RUFY3: variants seen among roughly 807,000 people sequenced by gnomAD.
RUFY3 encodes the protein protein RUFY3.
In RUFY3, 34 loss-of-function variants were observed where a neutral mutation model predicts 84.0. The observed-to-expected ratio is 0.40, with a 90% confidence interval of 0.31 to 0.54. The LOEUF (loss-of-function observed/expected upper bound fraction) is 0.54. Among genes scored for constraint, RUFY3 ranks in the 20% least tolerant of loss-of-function variants. The probability of loss-of-function intolerance (pLI) is 0.39; values close to 1 mark genes in which losing one functional copy is unlikely to be tolerated. For missense variants in RUFY3, 507 were observed against 736.8 expected, an observed-to-expected ratio of 0.69 and a Z score of 3.61; for synonymous variants, 242 against 252.9, an observed-to-expected ratio of 0.96 and a Z score of 0.41.
chr4:70,806,550 A>G lies in RUFY3; in HGVS notation c.1754A>G (p.Asp585Gly). ...VCKNCSGTFC[D>G]ACSTNELPLP... ...AAGAACTGCAGCGGAACCTTCTGTG[A>G]TGCCTGTTCAACAAATGAACTGCCT... The change falls in exon 18 of 18, where the codon GAT becomes GGT. Residue 585 changes from aspartate (D) to glycine (G), a missense_variant. Around this residue, in one of 4 missense-constraint regions of RUFY3, gnomAD observed 334 missense variants for 364.1 expected, o/e 0.92. Transcript: ENST00000381006. 6.2e-7 allele frequency: 1 copy of G among 1,614,160 alleles called. No homozygotes were observed. The highest frequency in any genetic ancestry group is 8.5e-7 in the Non-Finnish European group (1 of 1,180,010).
chr4:70,726,605 T>C (rs1214232297), intron 1 of RUFY3, among the ~76,000 whole-genome samples: 1 of 152,220 alleles, frequency 6.6e-6, no homozygotes, highest in East Asian at 1.9e-4. Flanking sequence ...ACTCCCGACC[T>C]CAGGTGATCG....
chr4:70,762,212 G>A (rs1049722185), intron 1 of RUFY3, among the ~76,000 whole-genome samples: 1 of 152,194 alleles, frequency 6.6e-6, no homozygotes, highest in African/African-American at 2.4e-5. Context: ...CTACTTGGGA[G>A]GCAGAGACAG....
At position 70,764,834 on chromosome 4, in the gene RUFY3, T is replaced by G. The variant is rs556323348; in HGVS notation, c.572+258T>G. On this transcript the variant is annotated intron_variant, in intron 4 of 17. Transcript: ENST00000381006. The stretch of plus-strand genomic sequence containing the variant: ...TACCTCTAGAAAACAGAAGGCACCT[T>G]AGCATGTGCCCAGGCTCAATAAGAC... 7.9e-5 allele frequency among the ~76,000 whole-genome samples: 12 copies of G among 152,272 alleles called. No homozygotes were observed. The East Asian group carries it at 2.3e-3, about 29-fold the overall frequency.
intron 1 of RUFY3, among the ~76,000 whole-genome samples, chr4:70,738,091 C>T (rs370556875): frequency 6.6e-6 from 1 of 150,992 alleles, no homozygotes; most frequent in Non-Finnish European, 1.5e-5. Flanking sequence ...TCAAGCAATC[C>T]TCCTACCTTG....
chr4:70,804,041 G>A (rs1232381618), intron 16 of RUFY3, among the ~76,000 whole-genome samples: 2 of 152,040 alleles, frequency 1.3e-5, no homozygotes, highest in African/African-American at 4.8e-5. Context: ...AGTCCCCAGT[G>A]CTTTCCATTC....
chr4:70,798,297 A>C (rs1731778744), intron 14 of RUFY3, among the ~76,000 whole-genome samples: 4 of 152,146 alleles, frequency 2.6e-5, no homozygotes, highest in Admixed American at 2.6e-4. Flanking sequence ...TGAGCCCAGG[A>C]GGTTGAGGCT....
intron 14 of RUFY3, among the ~76,000 whole-genome samples, chr4:70,798,117 A>G (rs1348423749): frequency 6.6e-6 from 1 of 152,148 alleles, no homozygotes; most frequent in Non-Finnish European, 1.5e-5. Flanking sequence ...CTGTAATCCT[A>G]ACACTTTGGG....
chr4:70,775,783 T>TA (rs542238923), intron 7 of RUFY3, among the ~76,000 whole-genome samples: 1 of 151,910 alleles, frequency 6.6e-6, no homozygotes, highest in Non-Finnish European at 1.5e-5. Context: ...TTGTCTCTAT[T>TA]AAAAAACTCA....
chr4:70,734,359 G>A (rs1719935547), intron 1 of RUFY3: 2 of 980,652 alleles, frequency 2.0e-6, no homozygotes, highest in African/African-American at 1.8e-5. Context: ...ATTGGCCCTT[G>A]GTGAGATTAC....
chr4:70,799,285 C>A (rs1461745584), intron 14 of RUFY3: 1 of 151,306 alleles, frequency 6.6e-6, no homozygotes, highest in Non-Finnish European at 1.5e-5. Flanking sequence ...CACGCCTGTA[C>A]TCCCAGCACT....
intron 1 of RUFY3, among the ~76,000 whole-genome samples, chr4:70,731,040 C>CTTT (rs1321175989): frequency 2.1e-5 from 3 of 141,496 alleles, no homozygotes. Context: ...TGATTGCCAT[C>CTTT]TTTTTTTTTT....
At chr4:70,759,354 A>AGTGTGTGTG (rs1365081371) in intron 1 of RUFY3, among the ~76,000 whole-genome samples, 1 of 124,310 alleles carries the variant, frequency 8.0e-6, no homozygotes, top group Non-Finnish European at 1.7e-5. Flanking sequence ...TTATGGCTGA[A>AGTGTGTGTG]TTTGTGTGTG....
chr4:70,786,911 C>T (rs545574038), intron 10 of RUFY3, among the ~76,000 whole-genome samples: 1 of 152,008 alleles, frequency 6.6e-6, no homozygotes. Context: ...AGGCCAAGCG[C>T]CATGGCTCAC....
chr4:70,720,888 CGTGTGT>C (rs71210198), upstream of RUFY3, among the ~76,000 whole-genome samples: 6,995 of 138,506 alleles, frequency 0.051, 287 homozygotes, highest in African/African-American at 0.12. Context: ...AATATAGGGC[CGTGTGT>C]GTGTGTGTGT....
At chr4:70,763,311 T>G (rs1404227695) in intron 2 of RUFY3, among the ~76,000 whole-genome samples, 1 of 152,168 alleles carries the variant, frequency 6.6e-6, no homozygotes, top group East Asian at 1.9e-4. Context: ...TAAAATGTTT[T>G]ATTATATTAT....
At chr4:70,786,184 G>A (rs980323352) in intron 10 of RUFY3, among the ~76,000 whole-genome samples, 3 of 152,160 alleles carry the variant, frequency 2.0e-5, no homozygotes, top group Non-Finnish European at 4.4e-5. Flanking sequence ...ACACTCATAC[G>A]TGGAATCTAA....
At chr4:70,730,613 C>T (rs964633680) in intron 1 of RUFY3, among the ~76,000 whole-genome samples, 1 of 150,864 alleles carries the variant, frequency 6.6e-6, no homozygotes, top group African/African-American at 2.5e-5. Context: ...GTGGCAGGTG[C>T]CTGTAATCCC....
At chr4:70,756,229 C>T (rs1425892094) in intron 1 of RUFY3, among the ~76,000 whole-genome samples, 1 of 152,166 alleles carries the variant, frequency 6.6e-6, no homozygotes, top group Non-Finnish European at 1.5e-5. Flanking sequence ...TCCATACAGC[C>T]CCACTGCTCT....
chr4:70,769,278 ATTGTG>A (rs1726538278), intron 5 of RUFY3, among the ~76,000 whole-genome samples: 1 of 152,154 alleles, frequency 6.6e-6, no homozygotes, highest in Admixed American at 6.5e-5. Flanking sequence ...GTTAGCCATA[ATTGTG>A]CATTCCAGCC....
Sources: gnomAD v4.1 joint callset for allele counts (sites outside exome capture counted in the v4.1 genomes callset) on GRCh38, gnomAD v4.1.1 for gene constraint, gnomAD v4.1.1 regional missense constraint, MANE v1.5 for transcripts, NCBI Gene and HGNC (gene_info 2026-07-23, HGNC 2026-07-21) for gene names.